The following DPYD variants were observed in gnomAD, a reference collection of about 807,000 sequenced individuals.
DPYD encodes dihydropyrimidine dehydrogenase.
A neutral mutation model predicts 116.2 loss-of-function variants in DPYD; 109 were observed. The observed-to-expected ratio is 0.94, with a 90% CI of 0.80 to 1.10. The LOEUF is 1.10. Among genes scored for constraint, DPYD ranks in the 50% least tolerant of loss-of-function variants. The pLI, the probability that DPYD is intolerant of heterozygous loss-of-function variation, is 0.00. For synonymous variants in DPYD, 440 were observed against 432.0 expected (o/e 1.02, Z -0.23); for missense variants, 1,302 against 1,254.5 (o/e 1.04, Z -0.57).
chr1:97,436,941 G>T (rs1034892948), intron 14 of DPYD, among the ~76,000 whole-genome samples: 1 of 151,662 alleles, frequency 6.6e-6, no homozygotes, highest in Non-Finnish European at 1.5e-5. Flanking sequence ...CAGGAAAAGG[G>T]CTATAATAAT....
At chr1:97,100,243 C>G (rs1277298553) in intron 20 of DPYD, among the ~76,000 whole-genome samples, 2 of 151,924 alleles carry the variant, frequency 1.3e-5, no homozygotes, top group African/African-American at 4.8e-5. Context: ...AAAGACAATG[C>G]TTTTATGAAA....
At chr1:97,784,092 C>T (rs1666895122) in intron 3 of DPYD, among the ~76,000 whole-genome samples, 1 of 152,074 alleles carries the variant, frequency 6.6e-6, no homozygotes, top group Admixed American at 6.6e-5. Flanking sequence ...ACATTATCAG[C>T]CATCTAATAT....
intron 8 of DPYD, among the ~76,000 whole-genome samples, chr1:97,632,818 T>C (rs1423599563): frequency 6.6e-6 from 1 of 152,116 alleles, no homozygotes; most frequent in African/African-American, 2.4e-5. Context: ...ATAAAAAGAC[T>C]AAAAGATGGG....
intron 8 of DPYD, among the ~76,000 whole-genome samples, chr1:97,665,343 A>G (rs1437075421): frequency 1.3e-5 from 2 of 152,204 alleles, no homozygotes; most frequent in East Asian, 3.8e-4. Context: ...CATTAATATA[A>G]TAAGTGATCA....
At chr1:97,289,352 C>T (rs1183972019) in intron 18 of DPYD, among the ~76,000 whole-genome samples, 9 of 152,144 alleles carry the variant, frequency 5.9e-5, no homozygotes, top group South Asian at 2.1e-4. Context: ...CCAGCATCAT[C>T]CTGATACCAA....
At chr1:97,622,074 T>C (rs1399208627) in intron 8 of DPYD, among the ~76,000 whole-genome samples, 1 of 152,112 alleles carries the variant, frequency 6.6e-6, no homozygotes. Context: ...ATGATTTATG[T>C]AGATACTCTA....
intron 5 of DPYD, among the ~76,000 whole-genome samples, chr1:97,708,593 C>A (rs958486808): frequency 1.3e-5 from 2 of 151,980 alleles, no homozygotes; most frequent in Non-Finnish European, 2.9e-5. Flanking sequence ...AGTCCTCCAA[C>A]TTTGTTGTTC....
intron 14 of DPYD, among the ~76,000 whole-genome samples, chr1:97,426,018 C>T (rs897470739): frequency 1.2e-4 from 18 of 150,196 alleles, no homozygotes; most frequent in Non-Finnish European, 2.5e-4. Flanking sequence ...CATTATTATT[C>T]TATGAAAATA....
intron 14 of DPYD, among the ~76,000 whole-genome samples, chr1:97,445,999 T>G (rs987469789): frequency 6.6e-6 from 1 of 152,148 alleles, no homozygotes; most frequent in Non-Finnish European, 1.5e-5. Flanking sequence ...AGTGCTGGGA[T>G]TACAGGCATG....
At chr1:97,890,564 A>C (rs112533999) in intron 1 of DPYD, among the ~76,000 whole-genome samples, 54 of 151,968 alleles carry the variant, frequency 3.6e-4, no homozygotes, top group African/African-American at 1.3e-3. Context: ...CCAGTATTAG[A>C]AGATTCAAGT....
At chr1:97,751,474 A>ATATATG (rs1664915925) in intron 3 of DPYD, among the ~76,000 whole-genome samples, 2 of 116,986 alleles carry the variant, frequency 1.7e-5, no homozygotes, top group Middle Eastern at 4.0e-3. Flanking sequence ...ATATATATAT[A>ATATATG]TATATATATA....
intron 18 of DPYD, among the ~76,000 whole-genome samples, chr1:97,287,675 A>T (rs1033996490): frequency 6.6e-6 from 1 of 151,942 alleles, no homozygotes; most frequent in African/African-American, 2.4e-5. Flanking sequence ...TTGCAGTTTG[A>T]TCTCAGACTG....
At chr1:97,144,050 C>G (rs1421889569) in intron 20 of DPYD, among the ~76,000 whole-genome samples, 1 of 152,086 alleles carries the variant, frequency 6.6e-6, no homozygotes, top group Non-Finnish European at 1.5e-5. Context: ...AAACAAATAT[C>G]AAATAAAGGA....
rs1335660248 is a variant in DPYD at position 97,721,848 on chromosome 1, TG to T, written c.322-178del. ...ATCAATTAAAACTTAGCAGAGTATT[TG>T]ACACATAGGAATATTCAATGCACAG... On this transcript the variant is annotated intron_variant, in intron 4 of 22. Coordinates refer to ENST00000370192, the MANE Select transcript of DPYD (RefSeq NM_000110.4). Among the ~76,000 whole-genome samples the T allele has an allele frequency of 2.0e-5, 3 of 151,688 alleles. No individual in the cohort carries two copies. In the East Asian group the frequency reaches 5.8e-4, roughly 29 times the overall value.
intron 8 of DPYD, among the ~76,000 whole-genome samples, chr1:97,605,683 A>T (rs1557832520): frequency 6.6e-6 from 1 of 152,150 alleles, no homozygotes; most frequent in Non-Finnish European, 1.5e-5. Flanking sequence ...ACAGTTATTT[A>T]AATTTTAAGT....
At chr1:97,917,214 A>G (rs1266135405) in intron 1 of DPYD, among the ~76,000 whole-genome samples, 2 of 152,346 alleles carry the variant, frequency 1.3e-5, no homozygotes, top group East Asian at 3.9e-4. Context: ...CAGTAAAAAT[A>G]TATCCATTTA....
chr1:97,626,953 C>T (rs555598828), intron 8 of DPYD, among the ~76,000 whole-genome samples: 15 of 152,070 alleles, frequency 9.9e-5, no homozygotes, highest in East Asian at 1.9e-4. Flanking sequence ...CCATAGACTG[C>T]GTGACTTATA....
intron 18 of DPYD, among the ~76,000 whole-genome samples, chr1:97,238,035 G>C (rs1557962875): frequency 1.3e-5 from 2 of 152,066 alleles, no homozygotes; most frequent in African/African-American, 4.8e-5. Flanking sequence ...AAATTAACCA[G>C]TGACACTTAA....
intron 14 of DPYD, among the ~76,000 whole-genome samples, chr1:97,392,639 T>C (rs535692025): frequency 6.6e-6 from 1 of 152,182 alleles, no homozygotes; most frequent in East Asian, 1.9e-4. Flanking sequence ...TGGAATATTC[T>C]AAATCTTTTG....
Sources: allele counts gnomAD v4.1 joint callset (sites outside exome capture counted in the v4.1 genomes callset), GRCh38; gene constraint gnomAD v4.1.1; transcripts MANE v1.5; gene names NCBI Gene and HGNC (gene_info 2026-07-23, HGNC 2026-07-21).